MAP3K6: variants seen among roughly 807,000 people sequenced by gnomAD.
MAP3K6 encodes the protein apoptosis signal-regulating kinase 2.
Under a neutral mutation model 147.1 loss-of-function variants are expected in MAP3K6, and 105 were observed. That is an observed-to-expected ratio of 0.71 (90% CI 0.61 to 0.84). MAP3K6 has a LOEUF of 0.84. Among genes scored for constraint, MAP3K6 ranks in the 40% least tolerant of loss-of-function variants. The pLI, the probability that MAP3K6 is intolerant of heterozygous loss-of-function variation, is 0.00. For missense variants in MAP3K6, 1,569 were observed against 1,715.0 expected (o/e 0.91, Z 1.50); for synonymous variants, 695 against 732.4 (o/e 0.95, Z 0.82).
At position 27,360,502 on chromosome 1, in the gene MAP3K6, C is replaced by T; in HGVS notation, c.2055-134G>A. ...TCTCCGACCTTCCCCACCCTTACTA[C>T]CCTGCCCACAGGACCCTCCAGACCT... is the stretch of plus-strand genomic sequence containing the variant. On this transcript the variant is annotated intron_variant, in intron 15 of 28. Transcript: ENST00000357582. This position sits in a 1 kb window ranked among gnomAD's most constrained non-coding sequence, Gnocchi z 4.5. 2 of 1,026,938 alleles carry T rather than the reference C, an allele frequency of 1.9e-6. No individual in the cohort carries two copies. Among genetic ancestry groups the T allele is most frequent in the Non-Finnish European group, 2.6e-6 (2 of 777,752 alleles). The allele number at this position is 1,026,938 out of a possible 1,614,324, so 63.6% of individuals were successfully genotyped here.
rs2015669071 is a variant in MAP3K6, at chr1:27,359,641, C to T, written c.2320-119G>A. On this transcript the variant is annotated intron_variant, in intron 17 of 28. Transcript: ENST00000357582. The surrounding 1 kb of genome is among the most constrained non-coding windows in gnomAD (Gnocchi z 4.4). ...GGTCCTGCCTCTGTCAACACTCTCC[C>T]CTTGCCATCCCACTTATATGCCCCT... 2.7e-6 allele frequency: 4 copies of T among 1,469,226 alleles called. No individual in the cohort carries two copies. Among genetic ancestry groups the T allele is most frequent in the Non-Finnish European group, 3.7e-6 (4 of 1,078,590 alleles). 91.0% of individuals were successfully genotyped at this position (1,469,226 alleles called of 1,614,324 possible). A position where few individuals can be genotyped will look rare whatever the true frequency, so the allele number is the denominator to read the frequency against.
intron 28 of MAP3K6, 67 bp downstream of exon 28, chr1:27,355,602 G>C: frequency 6.3e-7 from 1 of 1,594,998 alleles, no homozygotes; most frequent in East Asian, 2.2e-5. Context: ...AAGGAACCTA[G>C]GCAGGCCTGC....
chr1:27,362,931 G>T lies in MAP3K6; in HGVS notation c.1062C>A (p.Cys354Ter). Reference sequence around the variant, plus strand: ...TGTCCTTGTAGATACGGCCACACATGCAGTACAGATCGGGCGCCACAGAGC... The same window carrying T: ...TGTCCTTGTAGATACGGCCACACATTCAGTACAGATCGGGCGCCACAGAGC... The part of the protein sequence containing the change: ...LEGSVAPDLY[C>*]MCGRIYKDMF... The change falls in exon 7 of 29, where the codon TGC (cysteine) becomes TGA (stop). Residue 354 changes from cysteine (C) to a stop codon, truncating the protein, a stop_gained. Transcript: ENST00000357582. LOFTEE classifies it high-confidence loss of function. The T allele has an allele frequency of 6.2e-7, 1 of 1,614,156 alleles. No individual in the cohort carries two copies. Among genetic ancestry groups the T allele is most frequent in the African/African-American group, 1.3e-5 (1 of 75,052 alleles).
Position 27,358,717 on chromosome 1 carries a change from T to C in MAP3K6, c.2575A>G (p.Met859Val). 1 of 1,613,816 alleles carries C rather than the reference T, an allele frequency of 6.2e-7. No homozygotes were observed. Among genetic ancestry groups the C allele is most frequent in the Non-Finnish European group, 8.5e-7 (1 of 1,179,990 alleles). The change falls in exon 19 of 29, where the codon ATG (methionine) becomes GTG (valine). Residue 859 changes from methionine (M) to valine (V), a missense_variant. Physicochemically the swap from Met to Val is conservative, Grantham distance 21 (BLOSUM62 1). Transcript: ENST00000357582. The surrounding 1 kb of genome is among the most constrained non-coding windows in gnomAD (Gnocchi z 6.2). ...FHELGSPQAAMFQVGMYKVHP... is the reference protein window; with the variant it reads ...FHELGSPQAAVFQVGMYKVHP... ...GCCCAAAGAGGTCTCACCTGAAACA[T>C]GGCAGCCTGTGGGCTCCCGAGCTCG... is the stretch of plus-strand genomic sequence containing the variant.
In MAP3K6 at chr1:27,366,403, G is replaced by T; in HGVS notation, c.195C>A (p.Thr65=). The change falls in exon 1 of 29, where the codon ACC becomes ACA. Residue 65 remains threonine, a synonymous_variant. Transcript: ENST00000357582. This position sits in a 1 kb window ranked among gnomAD's most constrained non-coding sequence, Gnocchi z 5.5. ...AGCGCAGGGGCAGCGGCTCCGCCTCGGTTCCCTCCCGAGGCTCGAGCCCGG... is the reference window on the plus strand; with the variant it reads ...AGCGCAGGGGCAGCGGCTCCGCCTCTGTTCCCTCCCGAGGCTCGAGCCCGG... The part of the protein sequence containing the change: ...PQPGLEPREG[T]EAEPLPLRCL... 3.2e-6 allele frequency: 4 copies of T among 1,237,326 alleles called. No homozygotes were observed. The highest frequency in any genetic ancestry group is 4.0e-6 in the Non-Finnish European group (4 of 990,350). The allele number at this position is 1,237,326 out of a possible 1,614,324, so 76.6% of individuals were successfully genotyped here.
At position 27,362,922 on chromosome 1, in the gene MAP3K6, G is replaced by A; in HGVS notation, c.1071C>T (p.Gly357=). 1 of 1,614,132 alleles carries A rather than the reference G, an allele frequency of 6.2e-7. No individual in the cohort carries two copies. The part of the protein sequence containing the change: ...SVAPDLYCMC[G]RIYKDMFFSS... ...TGAAGAACATGTCCTTGTAGATACG[G>A]CCACACATGCAGTACAGATCGGGCG... The change falls in exon 7 of 29, where the codon GGC becomes GGT. Residue 357 remains glycine, a synonymous_variant. Transcript: ENST00000357582.
In MAP3K6 at chr1:27,358,702, G is replaced by T. The variant is rs764437158; in HGVS notation, c.2583+7C>A. The T allele has an allele frequency of 1.7e-5, 28 of 1,613,696 alleles. No individual in the cohort carries two copies. The East Asian group carries it at 6.0e-4, about 35-fold the overall frequency. The stretch of plus-strand genomic sequence containing the variant: ...ACTTCCATGGGCCAGGCCCAAAGAG[G>T]TCTCACCTGAAACATGGCAGCCTGT... On this transcript the variant is annotated splice_region_variant and intron_variant, in intron 19 of 28. Transcript: ENST00000357582. This position sits in a 1 kb window ranked among gnomAD's most constrained non-coding sequence, Gnocchi z 6.2.
At chr1:27,357,685 A>AGG (rs750218501) in intron 22 of MAP3K6, 26 bp downstream of exon 22, 1 of 1,605,922 alleles carries the variant, frequency 6.2e-7, no homozygotes, top group South Asian at 1.1e-5. Context: ...TGCGACCACC[A>AGG]GGGGGCGCTA....
In MAP3K6 at chr1:27,357,448, G is replaced by C. The variant is rs1427193166; in HGVS notation, c.3210C>G (p.Gly1070=). 6.2e-7 allele frequency: 1 copy of C among 1,613,390 alleles called. No homozygotes were observed. The highest frequency in any genetic ancestry group is 1.3e-5 in the African/African-American group (1 of 75,030). The change falls in exon 23 of 29, where the codon GGC becomes GGG. Residue 1070 remains glycine, a synonymous_variant. Transcript: ENST00000357582. The part of the protein sequence containing the change: ...RALQGRLRAQ[G]LGPALLHRPL... ...GTCTGTGCAGAAGCGCAGGCCCAAG[G>C]CCCTGGGCCCTCAGCCGTCCTTGCA...
Position 27,365,781 on chromosome 1 carries a change from A to G in MAP3K6, c.340+477T>C, listed in dbSNP as rs2015955815. On this transcript the variant is annotated intron_variant, in intron 1 of 28. Coordinates refer to ENST00000357582, the MANE Select transcript of MAP3K6 (RefSeq NM_004672.5). Reference sequence around the variant, plus strand: ...GCCCGATCCTTGGAAATAGTATGCTAGGACTCCTGAACTCCAGCCTCCCGG... The same window carrying G: ...GCCCGATCCTTGGAAATAGTATGCTGGGACTCCTGAACTCCAGCCTCCCGG... Among the ~76,000 whole-genome samples the G allele has an allele frequency of 1.3e-5, 2 of 152,012 alleles. 1 individual carries two copies. Among genetic ancestry groups the G allele is most frequent in the South Asian group, 4.1e-4 (2 of 4,820 alleles).
Position 27,364,186 on chromosome 1 carries a change from C to A in MAP3K6, c.695+18G>T. On this transcript the variant is annotated intron_variant, in intron 4 of 28. Coordinates refer to ENST00000357582, the MANE Select transcript of MAP3K6 (RefSeq NM_004672.5). This position sits in a 1 kb window ranked among gnomAD's most constrained non-coding sequence, Gnocchi z 4.4. ...ACCAGCCCCCTCCTGGAGCACCCTC[C>A]CTGGGGGCCTTCATTACCAAGAGTC... is the stretch of plus-strand genomic sequence containing the variant. The A allele has an allele frequency of 6.2e-7, 1 of 1,607,550 alleles. No homozygotes were observed. The highest frequency in any genetic ancestry group is 8.5e-7 in the Non-Finnish European group (1 of 1,177,764).
chr1:27,366,187 C>T lies in MAP3K6; in HGVS notation c.340+71G>A. ...CCTCTCGGCCCCTCCCTTGAGCCTT[C>T]GAGCCCGGCTTGGTCCCCTCCCAGG... On this transcript the variant is annotated intron_variant, in intron 1 of 28. Coordinates refer to ENST00000357582, the MANE Select transcript of MAP3K6 (RefSeq NM_004672.5). This position sits in a 1 kb window ranked among gnomAD's most constrained non-coding sequence, Gnocchi z 5.5. The T allele has an allele frequency of 8.0e-7, 1 of 1,254,324 alleles. No homozygotes were observed. Among genetic ancestry groups the T allele is most frequent in the Non-Finnish European group, 1.0e-6 (1 of 997,248 alleles). 77.7% of individuals were successfully genotyped at this position (1,254,324 alleles called of 1,614,324 possible). A position where few individuals can be genotyped will look rare whatever the true frequency, so the allele number is the denominator to read the frequency against.
At position 27,360,814 on chromosome 1, in the gene MAP3K6, C is replaced by A; in HGVS notation, c.1945G>T (p.Gly649Cys). 1 of 1,612,882 alleles carries A rather than the reference C, an allele frequency of 6.2e-7. No individual in the cohort carries two copies. The highest frequency in any genetic ancestry group is 8.5e-7 in the Non-Finnish European group (1 of 1,179,880). ...LEFDYEYTET[G>C]ERLVLGKGTY... ...CCCTTGCCCAGCACCAGCCGCTCGC[C>A]CGTCTCCGTGTACTCATAATCAAAC... The change falls in exon 15 of 29, where the codon GGC becomes TGC. Residue 649 changes from glycine to cysteine, a missense_variant. By Grantham distance (159) the Gly-to-Cys change is radical. Transcript: ENST00000357582. This position sits in a 1 kb window ranked among gnomAD's most constrained non-coding sequence, Gnocchi z 4.5.
chr1:27,366,400 C>CT lies in MAP3K6; in HGVS notation c.197dup (p.Ala67GlyfsTer71), dbSNP rs997712991. ...GGCAGCGCAGGGGCAGCGGCTCCGCCTCGGTTCCCTCCCGAGGCTCGAGCC... is the reference window on the plus strand; with the variant it reads ...GGCAGCGCAGGGGCAGCGGCTCCGCCTTCGGTTCCCTCCCGAGGCTCGAGCC... On this transcript the variant is annotated frameshift_variant, in exon 1 of 29. Coordinates refer to ENST00000357582, the MANE Select transcript of MAP3K6 (RefSeq NM_004672.5). LOFTEE classifies it high-confidence loss of function. The surrounding 1 kb of genome is among the most constrained non-coding windows in gnomAD (Gnocchi z 5.5). The CT allele has an allele frequency of 1.1e-4, 138 of 1,241,442 alleles. No individual in the cohort carries two copies. Among genetic ancestry groups the CT allele is most frequent in the Non-Finnish European group, 1.3e-4 (133 of 992,810 alleles). 76.9% of individuals were successfully genotyped at this position (1,241,442 alleles called of 1,614,324 possible).
chr1:27,359,619 C>T lies in MAP3K6; in HGVS notation c.2320-97G>A, dbSNP rs543063378. Reference sequence around the variant, plus strand: ...CATCTCCTGGAGATCCCAGCCTGGTCCTGCCTCTGTCAACACTCTCCCCTT... The same window carrying T: ...CATCTCCTGGAGATCCCAGCCTGGTTCTGCCTCTGTCAACACTCTCCCCTT... On this transcript the variant is annotated intron_variant, in intron 17 of 28. Transcript: ENST00000357582. The surrounding 1 kb of genome is among the most constrained non-coding windows in gnomAD (Gnocchi z 4.4). 2 of 1,549,580 alleles carry T rather than the reference C, an allele frequency of 1.3e-6. No homozygotes were observed. Among genetic ancestry groups the T allele is most frequent in the African/African-American group, 1.4e-5 (1 of 73,598 alleles).
chr1:27,357,035 C>T lies in MAP3K6; in HGVS notation c.3338G>A (p.Arg1113Gln), dbSNP rs760369095. The change falls in exon 24 of 29, where the codon CGG becomes CAG. Residue 1113 changes from arginine to glutamine, a missense_variant. Arg to Gln is a conservative substitution (Grantham distance 43). Transcript: ENST00000357582. The part of the protein sequence containing the change: ...VLDSLLSRAV[R>Q]AALGVLGPEV... The stretch of plus-strand genomic sequence containing the variant: ...CGGTCCTAGCACACCCAGGGCTGCC[C>T]GCACAGCACGGCTGAGCAGTGAGTC... 6.2e-7 allele frequency: 1 copy of T among 1,613,994 alleles called. No homozygotes were observed. The highest frequency in any genetic ancestry group is 8.5e-7 in the Non-Finnish European group (1 of 1,179,992).
chr1:27,357,844 G>T lies in MAP3K6; in HGVS notation c.2948C>A (p.Ala983Glu), dbSNP rs973831914. ...CAGCCCCGAACTCTCCTCCGGAGAC[G>T]CAGGCTCCTCGGCCGCAGGCTCCTC... The part of the protein sequence containing the change: ...VPEEPAAEEP[A>E]SPEESSGLSL... The change falls in exon 22 of 29, where the codon GCG becomes GAG. Residue 983 changes from alanine to glutamate, a missense_variant. Transcript: ENST00000357582. 2 of 1,597,732 alleles carry T rather than the reference G, an allele frequency of 1.3e-6. No individual in the cohort carries two copies. Among genetic ancestry groups the T allele is most frequent in the Non-Finnish European group, 8.5e-7 (1 of 1,175,562 alleles).
In MAP3K6 at chr1:27,366,539, G is replaced by T. The variant is rs2015995288; in HGVS notation, c.59C>A (p.Pro20Gln). 3 of 1,102,722 alleles carry T rather than the reference G, an allele frequency of 2.7e-6. No individual in the cohort carries two copies. The highest frequency in any genetic ancestry group is 3.3e-6 in the Non-Finnish European group (3 of 906,670). 68.3% of individuals were successfully genotyped at this position (1,102,722 alleles called of 1,614,324 possible). ...GCCCCGGCTCAGCGCCACGGCCAGCGGGTCCTGCCAGCAGCTGCCGGCGCG... is the reference window on the plus strand; with the variant it reads ...GCCCCGGCTCAGCGCCACGGCCAGCTGGTCCTGCCAGCAGCTGCCGGCGCG... ...AERAGSCWQD[P>Q]LAVALSRGRQ... The change falls in exon 1 of 29, where the codon CCG becomes CAG. Residue 20 changes from proline (P) to glutamine (Q), a missense_variant. Transcript: ENST00000357582. This position sits in a 1 kb window ranked among gnomAD's most constrained non-coding sequence, Gnocchi z 5.5.
Position 27,360,390 on chromosome 1 carries a change from A to G in MAP3K6, c.2055-22T>C. 1 of 1,609,816 alleles carries G rather than the reference A, an allele frequency of 6.2e-7. No homozygotes were observed. The highest frequency in any genetic ancestry group is 8.5e-7 in the Non-Finnish European group (1 of 1,177,868). On this transcript the variant is annotated intron_variant, in intron 15 of 28. Transcript: ENST00000357582. This position sits in a 1 kb window ranked among gnomAD's most constrained non-coding sequence, Gnocchi z 4.5. ...GAACCTGAGGGGAGGTAAGGGAGAG[A>G]GGAAAGGGACCGAGGTGGGCAGAGA...
Sources: gnomAD v4.1 joint callset for allele counts (sites outside exome capture counted in the v4.1 genomes callset) on GRCh38, gnomAD v4.1.1 for gene constraint, Gnocchi (gnomAD v3.1) non-coding constraint, MANE v1.5 for transcripts, NCBI Gene and HGNC (gene_info 2026-07-23, HGNC 2026-07-21) for gene names.